FAM234B: variants seen among roughly 807,000 people sequenced by gnomAD.
FAM234B encodes family with sequence similarity 234 member B, also known as protein FAM234B.
Under a neutral mutation model 69.3 loss-of-function variants are expected in FAM234B, and 33 were observed. The observed-to-expected ratio is 0.48, with a 90% CI of 0.36 to 0.64. The LOEUF is 0.64. Among genes scored for constraint, FAM234B ranks in the 30% least tolerant of loss-of-function variants. The pLI is 0.00. For synonymous variants in FAM234B, 306 were observed against 306.9 expected, an observed-to-expected ratio of 1.00 and a Z score of 0.03; for missense variants, 697 against 769.7, an observed-to-expected ratio of 0.91 and a Z score of 1.12.
chr12:13,074,552 G>A (rs1271130597), intron 10 of FAM234B, among the ~76,000 whole-genome samples: 1 of 152,172 alleles, frequency 6.6e-6, no homozygotes, highest in African/African-American at 2.4e-5. Context: ...GATTGAGGGT[G>A]ATGATCAGAC....
chr12:13,053,569 G>A (rs922943132), intron 1 of FAM234B, among the ~76,000 whole-genome samples: 1 of 152,176 alleles, frequency 6.6e-6, no homozygotes, highest in African/African-American at 2.4e-5. Context: ...TTTAAAAGGG[G>A]AGGGGGTGTA....
At chr12:13,062,553 C>G (rs1864995000) in intron 4 of FAM234B, 1 of 260,326 alleles carries the variant, frequency 3.8e-6, no homozygotes, top group Non-Finnish European at 7.4e-6. Context: ...TTCCCTCACC[C>G]CAGGCAAGTG....
chr12:13,082,926 T>C lies in FAM234B; in HGVS notation c.*2296T>C, dbSNP rs942841927. On this transcript the variant is annotated 3_prime_UTR_variant, in exon 13 of 13. Coordinates refer to ENST00000197268, the MANE Select transcript of FAM234B (RefSeq NM_020853.2). The stretch of plus-strand genomic sequence containing the variant: ...TATTTGCAAACTAACTTAACATAGA[T>C]TCTTTTGACTATGGTAAGTTTGAAT... 2.0e-5 allele frequency: 3 copies of C among 152,242 alleles called. No individual in the cohort carries two copies. The highest frequency in any genetic ancestry group is 2.9e-5 in the Non-Finnish European group (2 of 68,044). The allele number at this position is 152,242 out of a possible 1,614,324, so 9.4% of individuals were successfully genotyped here. A position where few individuals can be genotyped will look rare whatever the true frequency, so the allele number is the denominator to read the frequency against.
chr12:13,047,156 G>A (rs985710852), intron 1 of FAM234B, among the ~76,000 whole-genome samples: 1 of 152,114 alleles, frequency 6.6e-6, no homozygotes, highest in Non-Finnish European at 1.5e-5. Context: ...GAGCAGTTTC[G>A]CTAAGCTCAA....
At chr12:13,076,167 T>C (rs771276186) in intron 11 of FAM234B, 24 bp downstream of exon 11, 34 of 1,519,610 alleles carry the variant, frequency 2.2e-5, no homozygotes, top group Non-Finnish European at 3.0e-5. Flanking sequence ...CCAGCGGGAG[T>C]CTGTGTACGC....
intron 5 of FAM234B, 38 bp downstream of exon 5, chr12:13,063,013 G>T: frequency 6.2e-7 from 1 of 1,606,110 alleles, no homozygotes; most frequent in Non-Finnish European, 8.5e-7. Context: ...TTCTTATAGG[G>T]ACTGCTTCTA....
In FAM234B at chr12:13,066,622, C is replaced by A. The variant is rs3803096; in HGVS notation, c.853-18C>A. 2.2e-5 allele frequency: 35 copies of A among 1,603,136 alleles called. No individual in the cohort carries two copies. The highest frequency in any genetic ancestry group is 3.3e-4 in the Middle Eastern group (2 of 5,984). Reference sequence around the variant, plus strand: ...ATAGGGCTTCTATTGACTCCACCCCCCTCTCTTACTTCCTCAGCCAGATCT... The same window carrying A: ...ATAGGGCTTCTATTGACTCCACCCCACTCTCTTACTTCCTCAGCCAGATCT... On this transcript the variant is annotated intron_variant, in intron 5 of 12. Transcript: ENST00000197268.
Position 13,044,766 on chromosome 12 carries a change from C to CCCGAGCGGTGCTGGGT in FAM234B, c.37+333_37+334insGTGCTGGGTCCGAGCG, listed in dbSNP as rs1445136671. Among the ~76,000 whole-genome samples the CCCGAGCGGTGCTGGGT allele has an allele frequency of 3.9e-5, 6 of 152,178 alleles. No individual in the cohort carries two copies. The highest frequency in any genetic ancestry group is 1.4e-4 in the African/African-American group (6 of 41,442). ...GGAGGCTGGCGAGAGGAGCATCCTTCCCGAGCGCCGCGGACCCAGCACCGC... is the reference window on the plus strand; with the variant it reads ...GGAGGCTGGCGAGAGGAGCATCCTTCCCGAGCGGTGCTGGGTCCGAGCGCCGCGGACCCAGCACCGC... On this transcript the variant is annotated intron_variant, in intron 1 of 12. Transcript: ENST00000197268. The surrounding 1 kb of genome is among the most constrained non-coding windows in gnomAD (Gnocchi z 5.6).
rs995920779 is a variant in FAM234B at position 13,081,578 on chromosome 12, ACT to A, written c.*951_*952del. Reference sequence around the variant, plus strand: ...TAGGGCACCCTCCTTAGCTCCCCTCACTCTGTTTTCTCTTCTATTCAGGGATA... The same window carrying A: ...TAGGGCACCCTCCTTAGCTCCCCTCACTGTTTTCTCTTCTATTCAGGGATA... On this transcript the variant is annotated 3_prime_UTR_variant, in exon 13 of 13. Coordinates refer to ENST00000197268, the MANE Select transcript of FAM234B (RefSeq NM_020853.2). 2 of 151,736 alleles carry A rather than the reference ACT, an allele frequency of 1.3e-5. No individual in the cohort carries two copies. Among genetic ancestry groups the A allele is most frequent in the African/African-American group, 4.8e-5 (2 of 41,318 alleles). 9.4% of individuals were successfully genotyped at this position (151,736 alleles called of 1,614,324 possible).
At chr12:13,051,733 A>G (rs1864879023) in intron 1 of FAM234B, among the ~76,000 whole-genome samples, 1 of 152,194 alleles carries the variant, frequency 6.6e-6, no homozygotes, top group Non-Finnish European at 1.5e-5. Context: ...ACCTGAAACA[A>G]TGCTTCTTTA....
intron 1 of FAM234B, among the ~76,000 whole-genome samples, chr12:13,051,221 TATAA>T (rs1390494935): frequency 1.3e-5 from 2 of 152,246 alleles, no homozygotes; most frequent in Non-Finnish European, 2.9e-5. Flanking sequence ...TTACAGATTT[TATAA>T]ATTCCTGTAG....
At chr12:13,066,605 T>A (rs1565510180) in intron 5 of FAM234B, 35 bp from the exon 6 acceptor site, 1 of 1,585,356 alleles carries the variant, frequency 6.3e-7, no homozygotes, top group Non-Finnish European at 8.6e-7. Flanking sequence ...CGATAGGGCT[T>A]CTATTGACTC....
At chr12:13,079,095 C>T (rs1865195042) in intron 11 of FAM234B, among the ~76,000 whole-genome samples, 1 of 152,054 alleles carries the variant, frequency 6.6e-6, no homozygotes, top group African/African-American at 2.4e-5. Context: ...AATCCTAAGC[C>T]AAAAGAACAA....
At chr12:13,062,718 A>C in intron 4 of FAM234B, 127 bp from the exon 5 acceptor site, 1 of 916,276 alleles carries the variant, frequency 1.1e-6, no homozygotes, top group Non-Finnish European at 1.6e-6. Context: ...AAAGGCAATA[A>C]GTAGGTAGGA....
chr12:13,065,832 C>G (rs1865030053), intron 5 of FAM234B, among the ~76,000 whole-genome samples: 1 of 152,194 alleles, frequency 6.6e-6, no homozygotes, highest in African/African-American at 2.4e-5. Context: ...TGGTACATGG[C>G]AAACCACATT....
At chr12:13,053,012 A>G (rs1864891386) in intron 1 of FAM234B, among the ~76,000 whole-genome samples, 1 of 152,214 alleles carries the variant, frequency 6.6e-6, no homozygotes, top group African/African-American at 2.4e-5. Flanking sequence ...ATGGAGTAGA[A>G]ATACAAATTG....
At chr12:13,080,228 G>A (rs1258216116) in intron 12 of FAM234B, among the ~76,000 whole-genome samples, 2 of 152,110 alleles carry the variant, frequency 1.3e-5, no homozygotes, top group Non-Finnish European at 2.9e-5. Flanking sequence ...TCTTCCTTAG[G>A]GGACATTTGA....
At chr12:13,066,598 T>A in intron 5 of FAM234B, 42 bp from the exon 6 acceptor site, 2 of 1,562,830 alleles carry the variant, frequency 1.3e-6, no homozygotes, top group Non-Finnish European at 1.7e-6. Flanking sequence ...TAGCAAACGA[T>A]AGGGCTTCTA....
chr12:13,058,589 T>C (rs777295591), intron 3 of FAM234B, 40 bp downstream of exon 3: 3 of 1,529,352 alleles, frequency 2.0e-6, no homozygotes, highest in Admixed American at 1.7e-5. Flanking sequence ...ACAGGGGCAC[T>C]GTCAGCTAGG....
Sources: gnomAD v4.1 joint callset for allele counts (sites outside exome capture counted in the v4.1 genomes callset) on GRCh38, gnomAD v4.1.1 for gene constraint, Gnocchi (gnomAD v3.1) non-coding constraint, MANE v1.5 for transcripts, NCBI Gene and HGNC (gene_info 2026-07-23, HGNC 2026-07-21) for gene names.